The following MARCHF6 variants were observed in gnomAD, a reference collection of about 807,000 sequenced individuals.
MARCHF6 encodes the protein E3 ubiquitin-protein ligase MARCHF6.
MARCHF6 carries 31 observed loss-of-function variants against 133.7 expected under a neutral mutation model. The ratio of observed to expected loss-of-function variants is 0.23; its 90% CI spans 0.17 to 0.31. The LOEUF (loss-of-function observed/expected upper bound fraction) is 0.31, where lower values mean the gene tolerates loss of function less well. MARCHF6 is among the 10% of genes least tolerant of loss of function. The probability of loss-of-function intolerance (pLI) is 1.00; values close to 1 mark genes in which losing one functional copy is unlikely to be tolerated. For missense variants in MARCHF6, 723 were observed against 1,121.6 expected (o/e 0.64, Z 5.08); for synonymous variants, 395 against 402.5 (o/e 0.98, Z 0.22).
chr5:10,431,777 T>C (rs555450037), intron 25 of MARCHF6, among the ~76,000 whole-genome samples: 2 of 152,204 alleles, frequency 1.3e-5, no homozygotes, highest in African/African-American at 2.4e-5. Context: ...ACAATTTAAC[T>C]TGGTTTCTGT....
At chr5:10,371,100 A>C (rs1379052998) in intron 1 of MARCHF6, among the ~76,000 whole-genome samples, 1 of 152,236 alleles carries the variant, frequency 6.6e-6, no homozygotes, top group Non-Finnish European at 1.5e-5. Flanking sequence ...CTTGGTTCTC[A>C]GTAACTGAAA....
chr5:10,376,799 C>T (rs538330424), intron 1 of MARCHF6, among the ~76,000 whole-genome samples: 3 of 152,250 alleles, frequency 2.0e-5, no homozygotes, highest in Admixed American at 1.3e-4. Flanking sequence ...CACTTGAATC[C>T]GATGGATGTC....
chr5:10,426,441 C>T lies in MARCHF6; in HGVS notation c.2425C>T (p.Leu809=). 6.2e-7 allele frequency: 1 copy of T among 1,614,148 alleles called. No individual in the cohort carries two copies. Residue 809 remains leucine (L), a synonymous_variant, in exon 24 of 26, where the codon CTG becomes TTG. Coordinates refer to ENST00000274140, the MANE Select transcript of MARCHF6 (RefSeq NM_005885.4). ...TGACCTTCACTATATTGTTCGTAAA[C>T]TGGCAGCTCCCGTGATCTCTGTGCT... ...NIDLHYIVRK[L]AAPVISVLLL...
chr5:10,418,430 A>G (rs1739645149), intron 22 of MARCHF6, among the ~76,000 whole-genome samples: 1 of 151,852 alleles, frequency 6.6e-6, no homozygotes, highest in Non-Finnish European at 1.5e-5. Context: ...CATGTAAGTC[A>G]CAGCAAAGGT....
chr5:10,402,696 C>A, intron 14 of MARCHF6, 89 bp downstream of exon 14: 1 of 1,105,494 alleles, frequency 9.0e-7, no homozygotes, highest in Non-Finnish European at 1.4e-6. Flanking sequence ...TAAAGGAAAG[C>A]AAATATTTGA....
chr5:10,437,863 GTTTGTT>G lies in MARCHF6; in HGVS notation c.*4185_*4190del, dbSNP rs1740712158. On this transcript the variant is annotated 3_prime_UTR_variant, in exon 26 of 26. Transcript: ENST00000274140. ...ATGTTAATTGTAGTCTAGTTTTTTT[GTTTGTT>G]TTTGTGTTATTGCAAGATTGCTTTA... 1 of 152,178 alleles carries G rather than the reference GTTTGTT, an allele frequency of 6.6e-6. No homozygotes were observed. The allele number at this position is 152,178 out of a possible 1,614,324, so 9.4% of individuals were successfully genotyped here.
chr5:10,376,633 G>A (rs202016924), intron 1 of MARCHF6, among the ~76,000 whole-genome samples: 1 of 152,212 alleles, frequency 6.6e-6, no homozygotes, highest in East Asian at 1.9e-4. Flanking sequence ...CTGAGATTGA[G>A]CAGTTAGGCT....
intron 24 of MARCHF6, 125 bp from the exon 25 acceptor site, chr5:10,429,768 T>C (rs1385053976): frequency 1.4e-6 from 1 of 725,242 alleles, no homozygotes; most frequent in African/African-American, 1.8e-5. Flanking sequence ...TTGTAGAAAG[T>C]TAACAGACCT....
chr5:10,409,389 G>A (rs74875827), intron 17 of MARCHF6, among the ~76,000 whole-genome samples: 9,244 of 152,256 alleles, frequency 0.061, 962 homozygotes, highest in African/African-American at 0.21. Context: ...AGTGAGCCAC[G>A]TGGATCCCTG....
chr5:10,416,527 T>C (rs1407386538), intron 21 of MARCHF6, among the ~76,000 whole-genome samples: 5 of 152,228 alleles, frequency 3.3e-5, no homozygotes, highest in Non-Finnish European at 5.9e-5. Flanking sequence ...TTGATAGTCT[T>C]CCACATTATT....
At chr5:10,419,858 A>T (rs1179249117) in intron 22 of MARCHF6, among the ~76,000 whole-genome samples, 4 of 152,320 alleles carry the variant, frequency 2.6e-5, no homozygotes, top group African/African-American at 9.6e-5. Flanking sequence ...TGTGGGTCAG[A>T]TATTAAGACA....
chr5:10,378,681 T>C (rs1172459492), intron 2 of MARCHF6, 78 bp from the exon 3 acceptor site: 10 of 919,334 alleles, frequency 1.1e-5, no homozygotes, highest in Non-Finnish European at 1.7e-5. Context: ...ACATTTTTAA[T>C]AAAAACAATG....
Position 10,353,812 on chromosome 5 carries a change from C to T in MARCHF6, c.-87C>T, listed in dbSNP as rs1735250032. 1.6e-6 allele frequency: 2 copies of T among 1,283,672 alleles called. No individual in the cohort carries two copies. Among genetic ancestry groups the T allele is most frequent in the Admixed American group, 4.1e-5 (2 of 48,774 alleles). The allele number at this position is 1,283,672 out of a possible 1,614,324, so 79.5% of individuals were successfully genotyped here. ...ACCTGAGCGTACGCACCTGCCCGGG[C>T]CCGGCTCCCTCCTCCTCTCCCCTCC... is the stretch of plus-strand genomic sequence containing the variant. On this transcript the variant is annotated 5_prime_UTR_variant, in exon 1 of 26. Coordinates refer to ENST00000274140, the MANE Select transcript of MARCHF6 (RefSeq NM_005885.4).
rs1159887999 is a variant in MARCHF6 at position 10,390,491 on chromosome 5, C to G, written c.567C>G (p.His189Gln). The change falls in exon 6 of 26, where the codon CAC (histidine) becomes CAG (glutamine). Residue 189 changes from histidine to glutamine, a missense_variant. By Grantham distance (24) the His-to-Gln change is conservative. Transcript: ENST00000274140. ...AAPPFNAAGH[H>Q]QNEAPAGGNG... ...CACCGTTCAATGCTGCGGGGCATCA[C>G]CAAAATGAGGTAACTCCCCTACCCC... The G allele has an allele frequency of 6.2e-7, 1 of 1,612,170 alleles. No individual in the cohort carries two copies. The highest frequency in any genetic ancestry group is 8.5e-7 in the Non-Finnish European group (1 of 1,179,428).
intron 1 of MARCHF6, among the ~76,000 whole-genome samples, chr5:10,375,238 G>T (rs1041956432): frequency 6.6e-6 from 1 of 152,228 alleles, no homozygotes; most frequent in Non-Finnish European, 1.5e-5. Flanking sequence ...GGGCTTGGTG[G>T]GCCTGCACTC....
At chr5:10,363,891 T>C (rs1735971959) in intron 1 of MARCHF6, among the ~76,000 whole-genome samples, 1 of 152,214 alleles carries the variant, frequency 6.6e-6, no homozygotes, top group South Asian at 2.1e-4. Flanking sequence ...TTGTGTGAAA[T>C]GTCCAGAATA....
intron 25 of MARCHF6, 135 bp downstream of exon 25, chr5:10,430,163 T>A: frequency 1.0e-6 from 1 of 953,298 alleles, no homozygotes; most frequent in South Asian, 1.8e-5. Flanking sequence ...CAAGGTTTGC[T>A]GACAGATTGT....
chr5:10,355,493 C>T (rs1735398350), intron 1 of MARCHF6, among the ~76,000 whole-genome samples: 1 of 152,182 alleles, frequency 6.6e-6, no homozygotes, highest in Admixed American at 6.5e-5. Context: ...GAATTGCGCT[C>T]GAAGCACGTA....
intron 21 of MARCHF6, among the ~76,000 whole-genome samples, chr5:10,415,929 A>G (rs1404596500): frequency 6.6e-6 from 1 of 152,206 alleles, no homozygotes; most frequent in African/African-American, 2.4e-5. Context: ...TCCCAGTACT[A>G]TGGGAAGCTA....
Sources: gnomAD v4.1 joint callset for allele counts (sites outside exome capture counted in the v4.1 genomes callset) on GRCh38, gnomAD v4.1.1 for gene constraint, MANE v1.5 for transcripts, NCBI Gene and HGNC (gene_info 2026-07-23, HGNC 2026-07-21) for gene names.